Variants in NME7 observed in about 807,000 individuals in gnomAD.
The protein encoded by NME7 is NME/NM23 family member 7.
NME7 carries 41 observed loss-of-function variants against 49.1 expected under a neutral mutation model. That is an observed-to-expected ratio of 0.83 (90% CI 0.65 to 1.08). The LOEUF (loss-of-function observed/expected upper bound fraction) is 1.08, where lower values mean the gene tolerates loss of function less well. NME7 is among the 50% of genes least tolerant of loss of function. The probability of loss-of-function intolerance (pLI) is 0.00; values close to 1 mark genes in which losing one functional copy is unlikely to be tolerated. For synonymous variants in NME7, 139 were observed against 150.6 expected, an observed-to-expected ratio of 0.92 and a Z score of 0.56; for missense variants, 423 against 463.4, an observed-to-expected ratio of 0.91 and a Z score of 0.80.
chr1:169,342,549 A>AG (rs1557831129), intron 1 of NME7, among the ~76,000 whole-genome samples: 2 of 123,516 alleles, frequency 1.6e-5, no homozygotes, highest in African/African-American at 5.7e-5. Context: ...TATATAGTAT[A>AG]TATATATATA....
intron 7 of NME7, among the ~76,000 whole-genome samples, chr1:169,240,736 A>G (rs1648054474): frequency 6.6e-6 from 1 of 152,078 alleles, no homozygotes; most frequent in Admixed American, 6.6e-5. Flanking sequence ...TCAAAAATCA[A>G]TTAAAAATTT....
intron 7 of NME7, among the ~76,000 whole-genome samples, chr1:169,278,128 T>G (rs1353864871): frequency 6.6e-6 from 1 of 151,302 alleles, no homozygotes; most frequent in South Asian, 2.1e-4. Context: ...CATTTTTTCC[T>G]TCATTTCAAC....
At chr1:169,345,293 T>C (rs1397643331) in intron 1 of NME7, among the ~76,000 whole-genome samples, 2 of 152,166 alleles carry the variant, frequency 1.3e-5, no homozygotes, top group Non-Finnish European at 2.9e-5. Flanking sequence ...GTTTCATTGA[T>C]TTTCTCCATT....
rs1311538679 is a variant in NME7 at position 169,237,605 on chromosome 1, T to A, written c.819+18A>T. 6 of 1,580,262 alleles carry A rather than the reference T, an allele frequency of 3.8e-6. No individual in the cohort carries two copies. The highest frequency in any genetic ancestry group is 5.2e-6 in the Non-Finnish European group (6 of 1,152,390). ...AAAAAATCCTCACAAATATTATGGT[T>A]CATTGTAAACTACCTACCATCTGCA... is the stretch of plus-strand genomic sequence containing the variant. On this transcript the variant is annotated intron_variant, in intron 8 of 11. Coordinates refer to ENST00000367811, the MANE Select transcript of NME7 (RefSeq NM_013330.5).
At chr1:169,203,015 G>T (rs982814679) in intron 10 of NME7, among the ~76,000 whole-genome samples, 1 of 152,200 alleles carries the variant, frequency 6.6e-6, no homozygotes, top group East Asian at 1.9e-4. Flanking sequence ...TCAAACAAAA[G>T]AACAGCCTGC....
chr1:169,238,972 A>C (rs1194090726), intron 7 of NME7, among the ~76,000 whole-genome samples: 1 of 152,066 alleles, frequency 6.6e-6, no homozygotes, highest in Non-Finnish European at 1.5e-5. Flanking sequence ...GTTTGTATTT[A>C]GTTTTATATT....
chr1:169,282,688 G>C (rs1315778701), intron 7 of NME7, among the ~76,000 whole-genome samples: 1 of 152,082 alleles, frequency 6.6e-6, no homozygotes, highest in Non-Finnish European at 1.5e-5. Flanking sequence ...CTTTATTTCT[G>C]CCTTTATTTT....
At chr1:169,132,909 A>C (rs1205723189) in intron 11 of NME7, 92 bp from the exon 12 acceptor site, 8 of 873,038 alleles carry the variant, frequency 9.2e-6, no homozygotes, top group South Asian at 8.8e-5. Flanking sequence ...GACTTCAGAC[A>C]CTGGCATACC....
chr1:169,300,595 C>A (rs972460550), intron 5 of NME7, among the ~76,000 whole-genome samples: 4 of 151,990 alleles, frequency 2.6e-5, no homozygotes, highest in Non-Finnish European at 5.9e-5. Context: ...TGTTCTATGT[C>A]AAGGAACAAA....
At chr1:169,301,552 C>T (rs143966817) in intron 5 of NME7, among the ~76,000 whole-genome samples, 52 of 152,226 alleles carry the variant, frequency 3.4e-4, no homozygotes, top group African/African-American at 1.2e-3. Flanking sequence ...ACCATTTAAC[C>T]TAGCAATTCC....
intron 11 of NME7, among the ~76,000 whole-genome samples, chr1:169,135,043 A>G (rs1658389432): frequency 6.8e-6 from 1 of 147,002 alleles, no homozygotes; most frequent in Non-Finnish European, 1.5e-5. Context: ...AAAAAAAAAT[A>G]GCCGAGCATG....
intron 10 of NME7, among the ~76,000 whole-genome samples, chr1:169,213,856 TAC>T (rs894665735): frequency 6.6e-6 from 1 of 150,656 alleles, no homozygotes; most frequent in East Asian, 1.9e-4. Context: ...CACACAAACA[TAC>T]ACACACATAC....
intron 10 of NME7, among the ~76,000 whole-genome samples, chr1:169,223,435 T>G (rs759643212): frequency 6.6e-5 from 10 of 152,154 alleles, no homozygotes; most frequent in Non-Finnish European, 1.3e-4. Flanking sequence ...TTTTGATTAA[T>G]TAATTACTAT....
intron 7 of NME7, among the ~76,000 whole-genome samples, chr1:169,247,387 G>T (rs1197758893): frequency 6.6e-6 from 1 of 152,176 alleles, no homozygotes; most frequent in Non-Finnish European, 1.5e-5. Flanking sequence ...GTTGGAGTAA[G>T]CAAATGTCCC....
In NME7 at chr1:169,350,352, A is replaced by G. The variant is rs538637618; in HGVS notation, c.3+17356T>C. 2.0e-5 allele frequency among the ~76,000 whole-genome samples: 3 copies of G among 152,254 alleles called. No homozygotes were observed. In the East Asian group the frequency reaches 5.8e-4, roughly 30 times the overall value. On this transcript the variant is annotated intron_variant, in intron 1 of 11. Coordinates refer to ENST00000367811, the MANE Select transcript of NME7 (RefSeq NM_013330.5). Reference sequence around the variant, plus strand: ...TTACTGAGTCCCAACTCAGAGAGCCAGACAGCAGGATAGAGAGGTATTAAT... The same window carrying G: ...TTACTGAGTCCCAACTCAGAGAGCCGGACAGCAGGATAGAGAGGTATTAAT...
chr1:169,201,115 CAGCT>C (rs1017824577), intron 10 of NME7, among the ~76,000 whole-genome samples: 4 of 152,022 alleles, frequency 2.6e-5, no homozygotes, highest in African/African-American at 9.7e-5. Flanking sequence ...CTTGTAGTCC[CAGCT>C]ACTTGGCAGG....
chr1:169,313,175 A>T (rs1409442144), intron 3 of NME7, among the ~76,000 whole-genome samples: 2 of 150,728 alleles, frequency 1.3e-5, no homozygotes, highest in Non-Finnish European at 3.0e-5. Flanking sequence ...AGATAAATTG[A>T]CTAGATCATA....
chr1:169,309,445 T>C (rs1031448792), intron 4 of NME7, among the ~76,000 whole-genome samples: 7 of 152,050 alleles, frequency 4.6e-5, no homozygotes, highest in African/African-American at 7.2e-5. Context: ...ACCAGCACCA[T>C]GACAGCTGAA....
intron 1 of NME7, 82 bp downstream of exon 1, chr1:169,367,626 T>TGA: frequency 1.3e-6 from 2 of 1,539,926 alleles, no homozygotes; most frequent in Non-Finnish European, 1.8e-6. Context: ...CGGACAACTT[T>TGA]AAGTGCCCAT....
Sources: gnomAD v4.1 joint callset for allele counts (sites outside exome capture counted in the v4.1 genomes callset) on GRCh38, gnomAD v4.1.1 for gene constraint, MANE v1.5 for transcripts, NCBI Gene and HGNC (gene_info 2026-07-23, HGNC 2026-07-21) for gene names.